Variants in PDGFD observed in about 807,000 individuals in gnomAD.
PDGFD encodes the protein platelet derived growth factor D, also known as platelet-derived growth factor D.
A neutral mutation model predicts 44.7 loss-of-function variants in PDGFD; 30 were observed. That is an observed-to-expected ratio of 0.67 (90% CI 0.50 to 0.91). The LOEUF is 0.91. PDGFD is among the 40% of genes least tolerant of loss of function. The pLI is 0.00. For missense variants in PDGFD, 445 were observed against 457.8 expected, an observed-to-expected ratio of 0.97 and a Z score of 0.25; for synonymous variants, 173 against 168.4, an observed-to-expected ratio of 1.03 and a Z score of -0.21.
intron 1 of PDGFD, among the ~76,000 whole-genome samples, chr11:104,092,362 A>G (rs1463768937): frequency 6.6e-6 from 1 of 152,158 alleles, no homozygotes; most frequent in Non-Finnish European, 1.5e-5. Context: ...TATTATTCTT[A>G]TTTTACAGAA....
In PDGFD at chr11:103,908,525, T is replaced by TA. The variant is rs1399860417; in HGVS notation, c.*1168dup. On this transcript the variant is annotated 3_prime_UTR_variant, in exon 7 of 7. Transcript: ENST00000393158. Reference sequence around the variant, plus strand: ...GTATACGATTAGAAATTTACATTAATAAAATGTGATTTTTTTGATACACAA... The same window carrying TA: ...GTATACGATTAGAAATTTACATTAATAAAAATGTGATTTTTTTGATACACAA... The TA allele has an allele frequency of 6.6e-6, 1 of 152,214 alleles. No individual in the cohort carries two copies. Among genetic ancestry groups the TA allele is most frequent in the African/African-American group, 2.4e-5 (1 of 41,458 alleles). 9.4% of individuals were successfully genotyped at this position (152,214 alleles called of 1,614,324 possible). A position where few individuals can be genotyped will look rare whatever the true frequency, so the allele number is the denominator to read the frequency against.
chr11:103,963,951 G>T (rs1753652396), intron 3 of PDGFD, among the ~76,000 whole-genome samples: 1 of 151,954 alleles, frequency 6.6e-6, no homozygotes, highest in South Asian at 2.1e-4. Context: ...TAATTTGGGG[G>T]CTATAAGACA....
At chr11:104,009,033 G>T (rs1014940629) in intron 1 of PDGFD, among the ~76,000 whole-genome samples, 6 of 151,972 alleles carry the variant, frequency 3.9e-5, no homozygotes, top group Non-Finnish European at 8.8e-5. Context: ...ATGTAGCCAA[G>T]GGCCCTATAT....
intron 1 of PDGFD, among the ~76,000 whole-genome samples, chr11:104,134,967 A>T (rs1006821029): frequency 6.6e-6 from 1 of 152,190 alleles, no homozygotes; most frequent in Non-Finnish European, 1.5e-5. Flanking sequence ...ACCAAGGCTG[A>T]GTCATGTGTC....
chr11:103,943,037 A>G lies in PDGFD; in HGVS notation c.772+415T>C, dbSNP rs574663439. Among the ~76,000 whole-genome samples the G allele has an allele frequency of 3.3e-5, 5 of 152,292 alleles. No homozygotes were observed. In the East Asian group the frequency reaches 9.7e-4, roughly 29 times the overall value. On this transcript the variant is annotated intron_variant, in intron 5 of 6. Coordinates refer to ENST00000393158, the MANE Select transcript of PDGFD (RefSeq NM_025208.5). ...ACCCTTCTTAGTCTGATGCAAAAAA[A>G]ACACAGTTTGGGCAAAATGCAGAAC...
intron 1 of PDGFD, among the ~76,000 whole-genome samples, chr11:104,035,698 A>T (rs1860220080): frequency 2.6e-5 from 4 of 151,940 alleles, no homozygotes; most frequent in African/African-American, 9.7e-5. Context: ...TGGTATTCAA[A>T]GTCATGTACA....
intron 6 of PDGFD, among the ~76,000 whole-genome samples, chr11:103,911,968 TA>T (rs138641571): frequency 0.46 from 69,130 of 151,292 alleles, 15,833 homozygotes; most frequent in South Asian, 0.49. Flanking sequence ...CTCCAAGAAT[TA>T]TGGGACTATG....
chr11:104,027,835 A>G (rs1420959335), intron 1 of PDGFD, among the ~76,000 whole-genome samples: 1 of 152,158 alleles, frequency 6.6e-6, no homozygotes, highest in Non-Finnish European at 1.5e-5. Context: ...TTGAATTGAT[A>G]TTTTCAAAGA....
chr11:104,163,743 G>C, intron 1 of PDGFD, 61 bp downstream of exon 1: 1 of 1,459,054 alleles, frequency 6.9e-7, no homozygotes, highest in Non-Finnish European at 9.2e-7. Flanking sequence ...AACATAGAAA[G>C]AACAATAACA....
At chr11:104,104,555 C>G (rs547456363) in intron 1 of PDGFD, among the ~76,000 whole-genome samples, 2 of 152,096 alleles carry the variant, frequency 1.3e-5, no homozygotes, top group Admixed American at 1.3e-4. Context: ...TTACGACTGC[C>G]CACAGTATTT....
At chr11:103,991,204 T>C (rs181432275) in intron 3 of PDGFD, among the ~76,000 whole-genome samples, 9 of 152,046 alleles carry the variant, frequency 5.9e-5, no homozygotes, top group Non-Finnish European at 7.4e-5. Context: ...CTGTTGATAA[T>C]ATTGCTTTTG....
intron 1 of PDGFD, among the ~76,000 whole-genome samples, chr11:104,159,937 T>C (rs1862365729): frequency 6.6e-6 from 1 of 152,222 alleles, no homozygotes; most frequent in African/African-American, 2.4e-5. Context: ...CCAGGTTACA[T>C]TTAAAATATG....
intron 5 of PDGFD, among the ~76,000 whole-genome samples, chr11:103,943,052 A>G (rs1217163749): frequency 1.3e-5 from 2 of 152,166 alleles, no homozygotes; most frequent in African/African-American, 4.8e-5. Flanking sequence ...AGTTTGGGCA[A>G]AATGCAGAAC....
At chr11:104,080,731 C>A (rs2134428637) in intron 1 of PDGFD, among the ~76,000 whole-genome samples, 1 of 152,280 alleles carries the variant, frequency 6.6e-6, no homozygotes, top group East Asian at 1.9e-4. Context: ...TGTATGGTAA[C>A]CTTCAATGAA....
intron 3 of PDGFD, among the ~76,000 whole-genome samples, chr11:103,971,461 T>G (rs573753097): frequency 1.0e-3 from 156 of 152,242 alleles, no homozygotes; most frequent in African/African-American, 3.6e-3. Context: ...TGAAAACCAC[T>G]TTTTTTGCTT....
At chr11:103,940,604 T>A (rs1308952157) in intron 5 of PDGFD, among the ~76,000 whole-genome samples, 1 of 152,150 alleles carries the variant, frequency 6.6e-6, no homozygotes, top group Admixed American at 6.6e-5. Context: ...AAGCCATGAA[T>A]TTGTATTTTT....
intron 1 of PDGFD, among the ~76,000 whole-genome samples, chr11:104,044,640 C>T (rs1860410770): frequency 6.6e-6 from 1 of 152,124 alleles, no homozygotes; most frequent in South Asian, 2.1e-4. Flanking sequence ...CATTAAAATG[C>T]TTTTAATCTG....
At chr11:103,920,817 C>T (rs1858203669) in intron 6 of PDGFD, among the ~76,000 whole-genome samples, 1 of 152,212 alleles carries the variant, frequency 6.6e-6, no homozygotes, top group Non-Finnish European at 1.5e-5. Context: ...AGTCTATAAA[C>T]ATTTACTGTT....
At chr11:104,110,422 G>A (rs957482666) in intron 1 of PDGFD, among the ~76,000 whole-genome samples, 20 of 151,154 alleles carry the variant, frequency 1.3e-4, no homozygotes, top group African/African-American at 2.7e-4. Flanking sequence ...CCGAAAAAAT[G>A]CCAGTAATAT....
Sources: allele counts gnomAD v4.1 joint callset (sites outside exome capture counted in the v4.1 genomes callset), GRCh38; gene constraint gnomAD v4.1.1; transcripts MANE v1.5; gene names NCBI Gene and HGNC (gene_info 2026-07-23, HGNC 2026-07-21).